The following TMCO5A variants were observed in gnomAD, a reference collection of about 807,000 sequenced individuals.
The protein encoded by TMCO5A is transmembrane and coiled-coil domain-containing protein 5A.
TMCO5A carries 34 observed loss-of-function variants against 42.3 expected under a neutral mutation model. The observed-to-expected ratio is 0.80, with a 90% CI of 0.61 to 1.07. The LOEUF (loss-of-function observed/expected upper bound fraction) is 1.07. TMCO5A is among the 50% of genes least tolerant of loss of function. The pLI, the probability that TMCO5A is intolerant of heterozygous loss-of-function variation, is 0.00. For synonymous variants in TMCO5A, 131 were observed against 115.6 expected (o/e 1.13, Z -0.86); for missense variants, 357 against 327.9 (o/e 1.09, Z -0.69).
At chr15:37,943,620 C>T in intron 10 of TMCO5A, 1 of 509,166 alleles carries the variant, frequency 2.0e-6, no homozygotes, top group East Asian at 3.3e-5. Flanking sequence ...AACAGGCTCT[C>T]AAAAAACTAG....
chr15:37,974,212 C>T, the TMCO5A span, among the ~76,000 whole-genome samples: 1 of 152,104 alleles, frequency 6.6e-6, no homozygotes, highest in Non-Finnish European at 1.5e-5. Flanking sequence ...GAATATTCTC[C>T]TGAGGCTTTC....
the TMCO5A span, among the ~76,000 whole-genome samples, chr15:38,029,283 C>A: frequency 2.0e-5 from 3 of 151,990 alleles, no homozygotes; most frequent in Admixed American, 6.6e-5. Context: ...AGTCTACACA[C>A]ACACACATAT....
chr15:37,971,835 C>A (rs1308183129), downstream of TMCO5A, among the ~76,000 whole-genome samples: 1 of 152,246 alleles, frequency 6.6e-6, no homozygotes, highest in East Asian at 1.9e-4. Flanking sequence ...CATCTGAGAC[C>A]GCCTCAGCCT....
At chr15:37,981,787 G>C in the TMCO5A span, among the ~76,000 whole-genome samples, 6 of 152,200 alleles carry the variant, frequency 3.9e-5, no homozygotes, top group African/African-American at 1.4e-4. Flanking sequence ...AACTATTGTA[G>C]GGGAGATAAA....
chr15:37,950,830 G>GA (rs2140287314), intron 11 of TMCO5A, among the ~76,000 whole-genome samples: 1 of 152,126 alleles, frequency 6.6e-6, no homozygotes, highest in African/African-American at 2.4e-5. Flanking sequence ...ATGCTACCCA[G>GA]AAAATAAAAC....
Position 37,941,170 on chromosome 15 carries a change from G to A in TMCO5A, c.409G>A (p.Ala137Thr). Residue 137 changes from alanine (A) to threonine (T), a missense_variant, in exon 7 of 12, where the codon GCT becomes ACT. Ala to Thr is a moderately conservative substitution (Grantham distance 58). Transcript: ENST00000319669. ...ETKVKLQQLE[A>T]SYACQEKELL... Reference sequence around the variant, plus strand: ...TTAGGTTAAGTTACAACAGCTGGAAGCTTCCTATGCATGCCAAGAGAAGGA... The same window carrying A: ...TTAGGTTAAGTTACAACAGCTGGAAACTTCCTATGCATGCCAAGAGAAGGA... The A allele has an allele frequency of 3.7e-6, 6 of 1,613,206 alleles. No individual in the cohort carries two copies. The highest frequency in any genetic ancestry group is 5.1e-6 in the Non-Finnish European group (6 of 1,179,538).
the TMCO5A span, among the ~76,000 whole-genome samples, chr15:37,981,862 C>T: frequency 6.6e-6 from 1 of 152,140 alleles, no homozygotes; most frequent in African/African-American, 2.4e-5. Context: ...GCTATAGATG[C>T]CAGCAGCTGG....
chr15:38,015,917 G>C, the TMCO5A span, among the ~76,000 whole-genome samples: 1 of 152,196 alleles, frequency 6.6e-6, no homozygotes, highest in East Asian at 1.9e-4. Flanking sequence ...AGGAAGGGAT[G>C]AATATGCAGA....
rs1430350615 is a variant in TMCO5A at position 37,942,993 on chromosome 15, G to C, written c.570-348G>C. 6 of 193,990 alleles carry C rather than the reference G, an allele frequency of 3.1e-5. No individual in the cohort carries two copies. The East Asian group carries it at 8.2e-4, about 27-fold the overall frequency. 12.0% of individuals were successfully genotyped at this position (193,990 alleles called of 1,614,324 possible). On this transcript the variant is annotated intron_variant, in intron 9 of 11. Transcript: ENST00000319669. The stretch of plus-strand genomic sequence containing the variant: ...TATATAGTCCAGGGTCCTAGGACTT[G>C]TAGGTCCTTGCCCCTAAAGGACACC...
chr15:37,946,976 A>G (rs1296339400), intron 10 of TMCO5A, among the ~76,000 whole-genome samples: 1 of 151,824 alleles, frequency 6.6e-6, no homozygotes, highest in Non-Finnish European at 1.5e-5. Context: ...TTAGTATGAT[A>G]TTGGCTGTGG....
the TMCO5A span, among the ~76,000 whole-genome samples, chr15:38,022,494 G>A: frequency 4.9e-3 from 743 of 152,232 alleles, 7 homozygotes; most frequent in Non-Finnish European, 8.6e-3. Flanking sequence ...GGGGTTTGAC[G>A]GGGAGAAGAG....
the TMCO5A span, among the ~76,000 whole-genome samples, chr15:38,010,425 TCACACACACACA>T: frequency 3.3e-3 from 388 of 117,468 alleles, 12 homozygotes; most frequent in East Asian, 0.041. Context: ...CAGAGGGAGA[TCACACACACACA>T]CACACACACA....
downstream of TMCO5A, among the ~76,000 whole-genome samples, chr15:37,971,295 G>C (rs1039547403): frequency 6.6e-6 from 1 of 152,198 alleles, no homozygotes; most frequent in Non-Finnish European, 1.5e-5. Flanking sequence ...AACAGACTGA[G>C]CTGCACCTTG....
chr15:37,982,754 A>G, the TMCO5A span, among the ~76,000 whole-genome samples: 1 of 145,106 alleles, frequency 6.9e-6, no homozygotes, highest in African/African-American at 2.5e-5. Flanking sequence ...ATAAATATAT[A>G]ATATATAAAT....
At chr15:37,984,817 C>T in the TMCO5A span, 2 of 148,884 alleles carry the variant, frequency 1.3e-5, no homozygotes, top group Admixed American at 6.8e-5. Context: ...TGATCTTGGA[C>T]TTCCCACCCT....
At chr15:38,031,179 C>T in the TMCO5A span, among the ~76,000 whole-genome samples, 2 of 152,172 alleles carry the variant, frequency 1.3e-5, no homozygotes, top group East Asian at 3.9e-4. Flanking sequence ...TGCCTAATCT[C>T]CAGTCCTGTG....
the TMCO5A span, among the ~76,000 whole-genome samples, chr15:38,008,086 G>A: frequency 5.5e-4 from 83 of 151,496 alleles, no homozygotes; most frequent in African/African-American, 9.7e-4. Flanking sequence ...TAGTAGAGAT[G>A]GGGTTTCACC....
chr15:37,999,629 G>A, the TMCO5A span, among the ~76,000 whole-genome samples: 1 of 152,014 alleles, frequency 6.6e-6, no homozygotes, highest in African/African-American at 2.4e-5. Context: ...AAAGATTTTG[G>A]TTTTTCCTCA....
At chr15:38,029,886 G>C in the TMCO5A span, among the ~76,000 whole-genome samples, 1 of 152,130 alleles carries the variant, frequency 6.6e-6, no homozygotes, top group Admixed American at 6.6e-5. Context: ...GGATGCAGTG[G>C]GGTTTTTTGG....
Sources: gnomAD v4.1 joint callset for allele counts (sites outside exome capture counted in the v4.1 genomes callset) on GRCh38, gnomAD v4.1.1 for gene constraint, MANE v1.5 for transcripts, NCBI Gene and HGNC (gene_info 2026-07-23, HGNC 2026-07-21) for gene names.